The following NAALADL2 variants were observed in gnomAD, a reference collection of about 807,000 sequenced individuals.
The protein encoded by NAALADL2 is N-acetylated alpha-linked acidic dipeptidase like 2.
A neutral mutation model predicts 87.2 loss-of-function variants in NAALADL2; 76 were observed. The ratio of observed to expected loss-of-function variants is 0.87; its 90% CI spans 0.72 to 1.05. The LOEUF (loss-of-function observed/expected upper bound fraction) is 1.05, where lower values mean the gene tolerates loss of function less well. NAALADL2 is among the 50% of genes least tolerant of loss of function. The pLI is 0.00. For missense variants in NAALADL2, 1,089 were observed against 945.8 expected (o/e 1.15, Z -1.99); for synonymous variants, 354 against 331.0 (o/e 1.07, Z -0.75).
At chr3:174,707,045 T>A (rs1427628793) in intron 2 of NAALADL2, among the ~76,000 whole-genome samples, 3 of 152,078 alleles carry the variant, frequency 2.0e-5, no homozygotes, top group Non-Finnish European at 4.4e-5. Context: ...CATGAAAAAA[T>A]GCTCATCATC....
At position 175,701,561 on chromosome 3, in the gene NAALADL2, A is replaced by C. The variant is rs551386427; in HGVS notation, c.1897-35745A>C. On this transcript the variant is annotated intron_variant, in intron 11 of 13. Transcript: ENST00000454872. ...TCCGTTAATTATCGCACTTGTGGGC[A>C]CAGGAGTGAAAACTGCACGCCAGTA... 1.9e-3 allele frequency among the ~76,000 whole-genome samples: 288 copies of C among 152,210 alleles called. 1 individual carries two copies. Among genetic ancestry groups the C allele is most frequent in the African/African-American group, 6.5e-3 (269 of 41,542 alleles).
chr3:174,949,104 C>T (rs1356230148), intron 1 of NAALADL2, among the ~76,000 whole-genome samples: 3 of 152,118 alleles, frequency 2.0e-5, no homozygotes, highest in Non-Finnish European at 4.4e-5. Context: ...TAATCATCTC[C>T]CAAAGATCCC....
At chr3:175,452,452 C>G (rs1263636985) in intron 6 of NAALADL2, among the ~76,000 whole-genome samples, 14 of 152,088 alleles carry the variant, frequency 9.2e-5, no homozygotes, top group Admixed American at 9.2e-4. Flanking sequence ...TGTTTTTGAG[C>G]AGAGTGGGCT....
At chr3:174,652,369 T>G (rs775286275) in intron 2 of NAALADL2, among the ~76,000 whole-genome samples, 1 of 152,210 alleles carries the variant, frequency 6.6e-6, no homozygotes, top group African/African-American at 2.4e-5. Flanking sequence ...TATTAGTTTG[T>G]TCTCACATTG....
chr3:175,477,823 A>G (rs1331960935), intron 9 of NAALADL2, among the ~76,000 whole-genome samples: 1 of 152,000 alleles, frequency 6.6e-6, no homozygotes, highest in Non-Finnish European at 1.5e-5. Context: ...TTCATTTTAT[A>G]TTGTTTCACT....
At chr3:175,485,620 G>T (rs899163912) in intron 9 of NAALADL2, among the ~76,000 whole-genome samples, 3 of 152,182 alleles carry the variant, frequency 2.0e-5, no homozygotes, top group African/African-American at 7.2e-5. Context: ...GAATCATCCA[G>T]CAGGGGAGAA....
At chr3:174,614,490 A>G (rs1320743440) in intron 2 of NAALADL2, among the ~76,000 whole-genome samples, 2 of 152,040 alleles carry the variant, frequency 1.3e-5, no homozygotes, top group Non-Finnish European at 2.9e-5. Flanking sequence ...ACTGAGTCCA[A>G]CTCAGTGTCT....
chr3:175,338,296 G>A (rs570977075), intron 5 of NAALADL2, among the ~76,000 whole-genome samples: 1 of 152,142 alleles, frequency 6.6e-6, no homozygotes, highest in Admixed American at 6.6e-5. Flanking sequence ...GCATTGTGAT[G>A]GTTCATATTC....
At chr3:175,109,186 A>C (rs999391101) in intron 2 of NAALADL2, among the ~76,000 whole-genome samples, 2 of 151,936 alleles carry the variant, frequency 1.3e-5, no homozygotes, top group Admixed American at 1.3e-4. Flanking sequence ...TCAAAGCTAT[A>C]AACTGTTATG....
chr3:174,533,506 GTCT>G lies in NAALADL2; in HGVS notation c.-183-17056_-183-17054del, dbSNP rs899773729. Among the ~76,000 whole-genome samples the G allele has an allele frequency of 1.8e-4, 27 of 151,940 alleles. No homozygotes were observed. In the East Asian group the frequency reaches 4.7e-3, roughly 26 times the overall value. ...AATCCCATCCAGCAAGGGTAGTCTA[GTCT>G]TCTTCTCCACAAAAATGCTGGTGAA... On this transcript the variant is annotated intron_variant, in intron 1 of 3. Transcript: ENST00000434257.
chr3:175,683,391 T>G (rs1735864255), intron 11 of NAALADL2, among the ~76,000 whole-genome samples: 1 of 152,002 alleles, frequency 6.6e-6, no homozygotes. Context: ...TAGGACATAG[T>G]CATGTTCTTG....
At chr3:174,475,181 T>C (rs1717143487) in intron 1 of NAALADL2, among the ~76,000 whole-genome samples, 1 of 151,458 alleles carries the variant, frequency 6.6e-6, no homozygotes, top group African/African-American at 2.4e-5. Flanking sequence ...AAAATTGATA[T>C]TACCAAATAT....
chr3:174,689,537 G>A (rs1030102751), intron 2 of NAALADL2, among the ~76,000 whole-genome samples: 1 of 151,862 alleles, frequency 6.6e-6, no homozygotes, highest in Non-Finnish European at 1.5e-5. Flanking sequence ...GAACATCACC[G>A]GGGAGCTTGT....
intron 5 of NAALADL2, among the ~76,000 whole-genome samples, chr3:175,431,763 C>G (rs1394493176): frequency 6.6e-6 from 1 of 152,020 alleles, no homozygotes; most frequent in Admixed American, 6.6e-5. Flanking sequence ...AAGCCAAATA[C>G]TAAATATAAT....
chr3:175,497,404 A>T (rs891548844), intron 9 of NAALADL2, among the ~76,000 whole-genome samples: 1 of 152,230 alleles, frequency 6.6e-6, no homozygotes, highest in African/African-American at 2.4e-5. Flanking sequence ...TTTTTACAAA[A>T]TGTGTAATAT....
chr3:174,612,886 A>G (rs1419998177), intron 2 of NAALADL2, among the ~76,000 whole-genome samples: 1 of 152,082 alleles, frequency 6.6e-6, no homozygotes, highest in Non-Finnish European at 1.5e-5. Flanking sequence ...GAAGAGTTAG[A>G]TATTTATTGT....
At chr3:175,335,396 A>G (rs192287923) in intron 5 of NAALADL2, among the ~76,000 whole-genome samples, 1 of 152,310 alleles carries the variant, frequency 6.6e-6, no homozygotes, top group Non-Finnish European at 1.5e-5. Flanking sequence ...TAGATCATCC[A>G]TGAGATAGTA....
chr3:174,521,660 A>G (rs1720305407), intron 1 of NAALADL2, among the ~76,000 whole-genome samples: 1 of 151,906 alleles, frequency 6.6e-6, no homozygotes, highest in Non-Finnish European at 1.5e-5. Flanking sequence ...ATAGGTAATT[A>G]TCCTCAGTGA....
intron 2 of NAALADL2, among the ~76,000 whole-genome samples, chr3:174,555,206 G>A (rs1712609963): frequency 6.6e-6 from 1 of 152,106 alleles, no homozygotes; most frequent in Non-Finnish European, 1.5e-5. Flanking sequence ...CCTCTATAAG[G>A]AAACACAGAG....
Sources: gnomAD v4.1 joint callset for allele counts (sites outside exome capture counted in the v4.1 genomes callset) on GRCh38, gnomAD v4.1.1 for gene constraint, MANE v1.5 for transcripts, NCBI Gene and HGNC (gene_info 2026-07-23, HGNC 2026-07-21) for gene names.